The following CPEB3 variants were observed in gnomAD, a reference collection of about 807,000 sequenced individuals.
CPEB3 encodes cytoplasmic polyadenylation element binding protein 3, also known as cytoplasmic polyadenylation element-binding protein 3.
A neutral mutation model predicts 67.2 loss-of-function variants in CPEB3; 20 were observed. The observed-to-expected ratio is 0.30, with a 90% CI of 0.21 to 0.43. The LOEUF (loss-of-function observed/expected upper bound fraction) is 0.43. Among genes scored for constraint, CPEB3 ranks in the 20% least tolerant of loss-of-function variants. CPEB3 has a pLI of 1.00. For synonymous variants in CPEB3, 376 were observed against 393.1 expected (o/e 0.96, Z 0.51); for missense variants, 746 against 968.6 (o/e 0.77, Z 3.05).
intron 9 of CPEB3, among the ~76,000 whole-genome samples, chr10:92,056,454 C>T (rs1403130024): frequency 6.6e-6 from 1 of 152,148 alleles, no homozygotes; most frequent in Admixed American, 6.6e-5. Context: ...GGTAGGCCCT[C>T]GTAGTACCTG....
chr10:92,237,122 T>A (rs1287196365), intron 2 of CPEB3, among the ~76,000 whole-genome samples: 23 of 152,290 alleles, frequency 1.5e-4, no homozygotes. Flanking sequence ...CACACAAGAC[T>A]CAGGTGTTCT....
intron 1 of CPEB3, among the ~76,000 whole-genome samples, chr10:92,273,908 C>T (rs1440710865): frequency 6.6e-6 from 1 of 152,178 alleles, no homozygotes; most frequent in Non-Finnish European, 1.5e-5. Flanking sequence ...GACATCTTCC[C>T]AGACCACTCT....
At chr10:92,179,210 G>A (rs1028851941) in intron 4 of CPEB3, among the ~76,000 whole-genome samples, 1 of 152,068 alleles carries the variant, frequency 6.6e-6, no homozygotes, top group Admixed American at 6.6e-5. Context: ...CTAAACAGGG[G>A]ATTACACAAC....
chr10:92,256,892 C>CTCCA (rs1852540692), intron 1 of CPEB3, among the ~76,000 whole-genome samples: 1 of 152,172 alleles, frequency 6.6e-6, no homozygotes, highest in Non-Finnish European at 1.5e-5. Context: ...CCTAGAAGAC[C>CTCCA]TCCAGGTTTG....
intron 9 of CPEB3, among the ~76,000 whole-genome samples, chr10:92,062,146 G>C (rs980622568): frequency 1.3e-5 from 2 of 150,942 alleles, no homozygotes; most frequent in Admixed American, 6.6e-5. Flanking sequence ...GAGGCTGAGT[G>C]AGGCAAGAAA....
chr10:92,095,582 T>TTATA lies in CPEB3; in HGVS notation c.1573-3642_1573-3639dup, dbSNP rs372481233. 4.4e-3 allele frequency among the ~76,000 whole-genome samples: 536 copies of TTATA among 122,466 alleles called. 2 individuals are homozygous for TTATA. Among genetic ancestry groups the TTATA allele is most frequent in the Admixed American group, 7.2e-3 (87 of 12,140 alleles). 80.3% of individuals were successfully genotyped at this position (122,466 alleles called of 152,430 possible). A position where few individuals can be genotyped will look rare whatever the true frequency, so the allele number is the denominator to read the frequency against. On this transcript the variant is annotated intron_variant, in intron 7 of 9. Coordinates refer to ENST00000265997, the MANE Select transcript of CPEB3 (RefSeq NM_014912.5). ...TTTGGATATATTTTCTGGTCCTGAT[T>TTATA]TATATATATATATATATATTTTTTT...
chr10:92,128,230 A>G lies in CPEB3; in HGVS notation c.1453+14799T>C, dbSNP rs536450653. Among the ~76,000 whole-genome samples, 130 of 152,352 alleles carry G rather than the reference A, an allele frequency of 8.5e-4. 1 individual carries two copies. Among genetic ancestry groups the G allele is most frequent in the African/African-American group, 2.9e-3 (121 of 41,586 alleles). ...GCATTACTTCTAATAACCCTTCAGA[A>G]GTATCCAATCTTTTGGCTTCCCTGG... is the stretch of plus-strand genomic sequence containing the variant. On this transcript the variant is annotated intron_variant, in intron 6 of 9. Transcript: ENST00000265997.
chr10:92,144,720 G>A (rs939800522), intron 5 of CPEB3, among the ~76,000 whole-genome samples: 1 of 152,148 alleles, frequency 6.6e-6, no homozygotes, highest in Non-Finnish European at 1.5e-5. Flanking sequence ...ATAAAATGGA[G>A]ATGCTAGGAT....
intron 9 of CPEB3, among the ~76,000 whole-genome samples, chr10:92,058,352 C>T (rs1197910427): frequency 1.3e-5 from 2 of 152,078 alleles, no homozygotes; most frequent in Admixed American, 1.3e-4. Context: ...TTGAGACTAG[C>T]CTGGCCAACA....
intron 4 of CPEB3, among the ~76,000 whole-genome samples, chr10:92,170,564 T>C (rs543458904): frequency 3.3e-5 from 5 of 152,130 alleles, no homozygotes; most frequent in Non-Finnish European, 2.9e-5. Context: ...AATAACCACC[T>C]TGCTTTTATT....
chr10:92,152,691 T>G (rs2133893289), intron 4 of CPEB3, among the ~76,000 whole-genome samples: 1 of 152,326 alleles, frequency 6.6e-6, no homozygotes, highest in South Asian at 2.1e-4. Context: ...AATTCCTTAA[T>G]ACCAAAAAGT....
chr10:92,189,666 C>G (rs1011215312), intron 3 of CPEB3, among the ~76,000 whole-genome samples: 3 of 147,936 alleles, frequency 2.0e-5, no homozygotes, highest in Non-Finnish European at 4.5e-5. Context: ...AAATAATAAC[C>G]TTTGTTACCT....
chr10:92,215,010 G>C (rs1172855368), intron 2 of CPEB3, among the ~76,000 whole-genome samples: 2 of 151,242 alleles, frequency 1.3e-5, no homozygotes, highest in African/African-American at 4.9e-5. Flanking sequence ...ACCATATCTG[G>C]CTAATTTTTG....
chr10:92,117,620 G>A (rs112763247), intron 6 of CPEB3, among the ~76,000 whole-genome samples: 11,507 of 151,928 alleles, frequency 0.076, 1,434 homozygotes, highest in African/African-American at 0.26. Context: ...GTGAGCCACC[G>A]TGCCCAGTAG....
intron 2 of CPEB3, among the ~76,000 whole-genome samples, chr10:92,203,082 C>T (rs1739219597): frequency 6.6e-6 from 1 of 151,368 alleles, no homozygotes; most frequent in Admixed American, 6.6e-5. Flanking sequence ...GCTGGGATTA[C>T]AGGCACGTGC....
Position 92,143,118 on chromosome 10 carries a change from T to C in CPEB3, c.1364A>G (p.Asp455Gly). The C allele has an allele frequency of 6.2e-7, 1 of 1,609,524 alleles. No individual in the cohort carries two copies. The highest frequency in any genetic ancestry group is 8.5e-7 in the Non-Finnish European group (1 of 1,177,290). The change falls in exon 6 of 10, where the codon GAT becomes GGT. Residue 455 changes from aspartate (D) to glycine (G), a missense_variant and splice_region_variant. Around this residue, in one of 2 missense-constraint regions of CPEB3, gnomAD observed 643 missense variants for 717.5 expected, o/e 0.90. Transcript: ENST00000265997. ...CCTGCGAAAGCTGGCAGTGATCTCA[T>C]CTACAAAACAAAGAAAGAATCTTAG... ...VGGLPPDIDE[D>G]EITASFRRFG...
intron 6 of CPEB3, among the ~76,000 whole-genome samples, chr10:92,121,010 C>CT (rs147369266): frequency 0.39 from 58,371 of 148,494 alleles, 12,206 homozygotes; most frequent in African/African-American, 0.54. Flanking sequence ...CTACAACTTA[C>CT]TTTTTTTTTT....
At chr10:92,081,637 T>TCC (rs1032929617) in intron 8 of CPEB3, 136 bp from the exon 9 acceptor site, 2 of 752,776 alleles carry the variant, frequency 2.7e-6, no homozygotes, top group Admixed American at 5.9e-5. Context: ...ATGAAGAATG[T>TCC]CCACACCAGT....
At chr10:92,179,890 G>A (rs1848388678) in intron 4 of CPEB3, among the ~76,000 whole-genome samples, 1 of 152,060 alleles carries the variant, frequency 6.6e-6, no homozygotes, top group African/African-American at 2.4e-5. Context: ...ACCTACTCAA[G>A]CAAGAGGGAA....
Sources: gnomAD v4.1 joint callset for allele counts (sites outside exome capture counted in the v4.1 genomes callset) on GRCh38, gnomAD v4.1.1 for gene constraint, gnomAD v4.1.1 regional missense constraint, MANE v1.5 for transcripts, NCBI Gene and HGNC (gene_info 2026-07-23, HGNC 2026-07-21) for gene names.